Variants in TENM2 observed in about 807,000 individuals in gnomAD.
TENM2 encodes the protein teneurin-2.
In TENM2, 52 loss-of-function variants were observed where a neutral mutation model predicts 245.2. The observed-to-expected ratio is 0.21, with a 90% CI of 0.17 to 0.27. TENM2 has a LOEUF of 0.27. TENM2 is among the 10% of genes least tolerant of loss of function. The pLI, the probability that TENM2 is intolerant of heterozygous loss-of-function variation, is 1.00. For missense variants in TENM2, 3,046 were observed against 3,666.8 expected, an observed-to-expected ratio of 0.83 and a Z score of 4.37; for synonymous variants, 1,363 against 1,438.9, an observed-to-expected ratio of 0.95 and a Z score of 1.19.
the TENM2 span, among the ~76,000 whole-genome samples, chr5:167,108,553 T>C: frequency 6.6e-6 from 1 of 152,226 alleles, no homozygotes; most frequent in East Asian, 1.9e-4. Flanking sequence ...ATACGGTAAC[T>C]ATCCTCATTG....
chr5:167,714,838 C>T (rs1393570107), intron 2 of TENM2, among the ~76,000 whole-genome samples: 2 of 152,164 alleles, frequency 1.3e-5, no homozygotes, highest in Admixed American at 6.5e-5. Context: ...CACACTGTAG[C>T]ATTTCTCCCC....
At chr5:168,058,275 A>G (rs1280024453) in intron 6 of TENM2, among the ~76,000 whole-genome samples, 1 of 152,168 alleles carries the variant, frequency 6.6e-6, no homozygotes, top group Non-Finnish European at 1.5e-5. Context: ...CACCAGATGG[A>G]TTTGTAGAGT....
the TENM2 span, among the ~76,000 whole-genome samples, chr5:167,278,107 T>C: frequency 6.6e-6 from 1 of 151,286 alleles, no homozygotes; most frequent in Non-Finnish European, 1.5e-5. Context: ...AGTTGAAGAC[T>C]AGCCTTGGCA....
chr5:168,022,233 C>T (rs943033472), intron 5 of TENM2, among the ~76,000 whole-genome samples: 6 of 152,224 alleles, frequency 3.9e-5, no homozygotes, highest in East Asian at 1.9e-4. Flanking sequence ...CCGGGAGCTC[C>T]GCTCCTCTGG....
At chr5:167,956,082 A>G (rs959875673) in intron 4 of TENM2, among the ~76,000 whole-genome samples, 3 of 152,082 alleles carry the variant, frequency 2.0e-5, no homozygotes, top group Non-Finnish European at 2.9e-5. Context: ...TTTTCACTAT[A>G]TTGATTCTTC....
At chr5:167,277,413 G>T in the TENM2 span, among the ~76,000 whole-genome samples, 1 of 152,004 alleles carries the variant, frequency 6.6e-6, no homozygotes, top group African/African-American at 2.4e-5. Flanking sequence ...AGTGTGTGGA[G>T]ATTTTCTTCT....
At chr5:167,432,563 AAGTAAGCAT>A (rs902310116) in intron 2 of TENM2, among the ~76,000 whole-genome samples, 3 of 151,070 alleles carry the variant, frequency 2.0e-5, no homozygotes, top group African/African-American at 4.9e-5. Flanking sequence ...GTATTCACAT[AAGTAAGCAT>A]ATACCAAACA....
Position 167,817,975 on chromosome 5 carries a change from C to T in TENM2, c.503-58011C>T, listed in dbSNP as rs900520412. 5.9e-5 allele frequency among the ~76,000 whole-genome samples: 9 copies of T among 152,026 alleles called. No individual in the cohort carries two copies. The South Asian group carries it at 6.2e-4, about 11-fold the overall frequency. ...CCTCTCTTCCCTGTAACTTGGGAGA[C>T]GGGATGTATAGATAAGAAGGATGAA... On this transcript the variant is annotated intron_variant, in intron 2 of 28. Transcript: ENST00000518659.
At chr5:167,824,880 A>G (rs1367670159) in intron 2 of TENM2, among the ~76,000 whole-genome samples, 1 of 152,356 alleles carries the variant, frequency 6.6e-6, no homozygotes, top group African/African-American at 2.4e-5. Flanking sequence ...CGCCATGTGC[A>G]TGTTTCAGAT....
At chr5:167,998,969 G>C (rs186984761) in intron 5 of TENM2, among the ~76,000 whole-genome samples, 1 of 152,158 alleles carries the variant, frequency 6.6e-6, no homozygotes, top group Non-Finnish European at 1.5e-5. Flanking sequence ...TGAGACTCAC[G>C]CTGATGAATC....
At chr5:167,257,412 A>T in the TENM2 span, among the ~76,000 whole-genome samples, 1 of 152,126 alleles carries the variant, frequency 6.6e-6, no homozygotes, top group Non-Finnish European at 1.5e-5. Context: ...ATTTGGTTTT[A>T]TAAATGATAC....
At chr5:167,411,573 A>AGTGTGT (rs60856762) in intron 2 of TENM2, among the ~76,000 whole-genome samples, 13,813 of 144,918 alleles carry the variant, frequency 0.095, 750 homozygotes, top group Non-Finnish European at 0.13. Flanking sequence ...TGTAGGTGAG[A>AGTGTGT]GTGTGTGTGT....
chr5:167,233,306 T>C, the TENM2 span, among the ~76,000 whole-genome samples: 3 of 152,094 alleles, frequency 2.0e-5, no homozygotes, highest in East Asian at 5.8e-4. Flanking sequence ...GGCCATATCA[T>C]TGTATGTGTA....
At chr5:167,569,186 T>G (rs1160223439) in intron 2 of TENM2, among the ~76,000 whole-genome samples, 1 of 151,540 alleles carries the variant, frequency 6.6e-6, no homozygotes, top group Non-Finnish European at 1.5e-5. Context: ...TTATATTATT[T>G]TGTATAATTT....
chr5:167,287,787 T>C (rs1365424237), intron 1 of TENM2: 1 of 152,246 alleles, frequency 6.6e-6, no homozygotes, highest in African/African-American at 2.4e-5. Context: ...AGTATGCAAA[T>C]CACCTGTCTG....
chr5:168,249,841 GA>G (rs1562337295), intron 27 of TENM2, among the ~76,000 whole-genome samples: 1 of 152,058 alleles, frequency 6.6e-6, no homozygotes, highest in East Asian at 1.9e-4. Context: ...CCTGCGCACA[GA>G]GTGAGAACCC....
intron 2 of TENM2, among the ~76,000 whole-genome samples, chr5:167,699,434 T>A (rs189122254): frequency 1.2e-4 from 18 of 152,310 alleles, no homozygotes; most frequent in Non-Finnish European, 2.1e-4. Flanking sequence ...CGGCTTATTT[T>A]ACCTTATTTT....
intron 2 of TENM2, among the ~76,000 whole-genome samples, chr5:167,590,933 A>G (rs543904942): frequency 1.3e-3 from 202 of 152,300 alleles, no homozygotes; most frequent in South Asian, 3.3e-3. Context: ...AACAATGCAT[A>G]TCTGTTAACA....
At chr5:167,354,144 A>G (rs370100679) in intron 1 of TENM2, among the ~76,000 whole-genome samples, 1 of 152,208 alleles carries the variant, frequency 6.6e-6, no homozygotes, top group South Asian at 2.1e-4. Context: ...ATGGGTAAAG[A>G]CCAGCCGGAA....
Sources: gnomAD v4.1 joint callset for allele counts (sites outside exome capture counted in the v4.1 genomes callset) on GRCh38, gnomAD v4.1.1 for gene constraint, MANE v1.5 for transcripts, NCBI Gene and HGNC (gene_info 2026-07-23, HGNC 2026-07-21) for gene names.